KPNA5: variants seen among roughly 807,000 people sequenced by gnomAD.
KPNA5 encodes importin subunit alpha-6.
KPNA5 carries 46 observed loss-of-function variants against 71.3 expected under a neutral mutation model. The ratio of observed to expected loss-of-function variants is 0.65; its 90% confidence interval spans 0.51 to 0.83. KPNA5 has a LOEUF of 0.83. Among genes scored for constraint, KPNA5 ranks in the 40% least tolerant of loss-of-function variants. The pLI is 0.00. For synonymous variants in KPNA5, 207 were observed against 201.4 expected (o/e 1.03, Z -0.24); for missense variants, 547 against 628.3 (o/e 0.87, Z 1.38).
intron 1 of KPNA5, among the ~76,000 whole-genome samples, chr6:116,682,031 C>G (rs1451341622): frequency 6.6e-6 from 1 of 152,064 alleles, no homozygotes; most frequent in Non-Finnish European, 1.5e-5. Context: ...CTTTGGGAGG[C>G]GGAGGCGGGC....
rs971828689 is a variant in KPNA5, at chr6:116,739,135, A to G, written c.*6812A>G. On this transcript the variant is annotated 3_prime_UTR_variant, in exon 14 of 14. Transcript: ENST00000368564. ...CTAAGCCCAAAATCTCCTTAAGCTGATAAGCAACTTCAGCAAAGTCTCAGG... is the reference window on the plus strand; with the variant it reads ...CTAAGCCCAAAATCTCCTTAAGCTGGTAAGCAACTTCAGCAAAGTCTCAGG... 2 of 152,216 alleles carry G rather than the reference A, an allele frequency of 1.3e-5. No individual in the cohort carries two copies. The highest frequency in any genetic ancestry group is 4.8e-5 in the African/African-American group (2 of 41,452). 9.4% of individuals were successfully genotyped at this position (152,216 alleles called of 1,614,324 possible). A position where few individuals can be genotyped will look rare whatever the true frequency, so the allele number is the denominator to read the frequency against.
Position 116,741,254 on chromosome 6 carries a change from A to G in KPNA5, c.*8931A>G, listed in dbSNP as rs1192249686. ...TAAGAGAGGTGTGTTAAAATCTCCCAAGATGATTGGTGGATTTTGAATTTT... is the reference window on the plus strand; with the variant it reads ...TAAGAGAGGTGTGTTAAAATCTCCCGAGATGATTGGTGGATTTTGAATTTT... On this transcript the variant is annotated 3_prime_UTR_variant, in exon 14 of 14. Coordinates refer to ENST00000368564, the MANE Select transcript of KPNA5 (RefSeq NM_001366306.2). The G allele has an allele frequency of 1.3e-5, 2 of 152,132 alleles. No individual in the cohort carries two copies. Among genetic ancestry groups the G allele is most frequent in the Non-Finnish European group, 2.9e-5 (2 of 68,016 alleles). 9.4% of individuals were successfully genotyped at this position (152,132 alleles called of 1,614,324 possible). A position where few individuals can be genotyped will look rare whatever the true frequency, so the allele number is the denominator to read the frequency against.
chr6:116,714,769 T>G (rs1778822264), intron 7 of KPNA5, among the ~76,000 whole-genome samples: 1 of 152,206 alleles, frequency 6.6e-6, no homozygotes, highest in Non-Finnish European at 1.5e-5. Flanking sequence ...TTTTCCACCC[T>G]GAGAGAATTC....
At position 116,712,594 on chromosome 6, in the gene KPNA5, C is replaced by G. The variant is rs144717715; in HGVS notation, c.657-3625C>G. ...TTTAATTCATTTACATTTAATATAA[C>G]TACTGATAAATGGGGACTTACTTTT... On this transcript the variant is annotated intron_variant, in intron 7 of 13. Transcript: ENST00000368564. Among the ~76,000 whole-genome samples the G allele has an allele frequency of 6.1e-3, 921 of 152,134 alleles. 6 individuals are homozygous for G. Among genetic ancestry groups the G allele is most frequent in the Non-Finnish European group, 8.5e-3 (576 of 67,994 alleles).
In KPNA5 at chr6:116,735,316, T is replaced by C. The variant is rs1233938558; in HGVS notation, c.*2993T>C. 1 of 151,740 alleles carries C rather than the reference T, an allele frequency of 6.6e-6. No homozygotes were observed. The highest frequency in any genetic ancestry group is 2.4e-5 in the African/African-American group (1 of 41,416). 9.4% of individuals were successfully genotyped at this position (151,740 alleles called of 1,614,324 possible). On this transcript the variant is annotated 3_prime_UTR_variant, in exon 14 of 14. Coordinates refer to ENST00000368564, the MANE Select transcript of KPNA5 (RefSeq NM_001366306.2). ...TTTTTTCTTCTTTTAAGAAGGAGCA[T>C]TATGGAAAAATAAATATAAAGTCTT...
At chr6:116,708,949 C>A (rs1199970419) in intron 7 of KPNA5, among the ~76,000 whole-genome samples, 1 of 151,988 alleles carries the variant, frequency 6.6e-6, no homozygotes, top group Admixed American at 6.6e-5. Flanking sequence ...CCATACCTGG[C>A]TAATTTTTGT....
At chr6:116,691,478 G>A (rs1013900500) in intron 2 of KPNA5, among the ~76,000 whole-genome samples, 1 of 152,052 alleles carries the variant, frequency 6.6e-6, no homozygotes, top group Non-Finnish European at 1.5e-5. Flanking sequence ...TGGGAATGTG[G>A]AACTCACAGA....
rs1404560773 is a variant in KPNA5 at position 116,736,045 on chromosome 6, T to A, written c.*3722T>A. 3 of 151,876 alleles carry A rather than the reference T, an allele frequency of 2.0e-5. No individual in the cohort carries two copies. Among genetic ancestry groups the A allele is most frequent in the African/African-American group, 4.8e-5 (2 of 41,424 alleles). 9.4% of individuals were successfully genotyped at this position (151,876 alleles called of 1,614,324 possible). A position where few individuals can be genotyped will look rare whatever the true frequency, so the allele number is the denominator to read the frequency against. ...TCAAAAGTAAGTTGGGGTGGCCATATAATGCATATCAAGGTGCATTTCAGA... is the reference window on the plus strand; with the variant it reads ...TCAAAAGTAAGTTGGGGTGGCCATAAAATGCATATCAAGGTGCATTTCAGA... On this transcript the variant is annotated 3_prime_UTR_variant, in exon 14 of 14. Transcript: ENST00000368564.
chr6:116,691,215 G>A (rs540761660), intron 2 of KPNA5, among the ~76,000 whole-genome samples: 205 of 152,324 alleles, frequency 1.3e-3, no homozygotes, highest in African/African-American at 4.6e-3. Flanking sequence ...GAGACAGAGC[G>A]AGACTCCGTC....
At chr6:116,695,134 G>T (rs1450942238) in intron 4 of KPNA5, among the ~76,000 whole-genome samples, 1 of 151,808 alleles carries the variant, frequency 6.6e-6, no homozygotes, top group Non-Finnish European at 1.5e-5. Context: ...GTAGAGTCAG[G>T]GTTTTGTCAT....
At chr6:116,731,340 A>AT (rs1562458156) in intron 13 of KPNA5, among the ~76,000 whole-genome samples, 1 of 152,172 alleles carries the variant, frequency 6.6e-6, no homozygotes, top group African/African-American at 2.4e-5. Flanking sequence ...TTAGTCACTG[A>AT]TTTAAGAATA....
Position 116,724,289 on chromosome 6 carries a change from A to G in KPNA5, c.921-8A>G. On this transcript the variant is annotated splice_region_variant and splice_polypyrimidine_tract_variant and intron_variant, in intron 9 of 13. Coordinates refer to ENST00000368564, the MANE Select transcript of KPNA5 (RefSeq NM_001366306.2). ...TAGTATTTAGGTTCATGTTTTTATT[A>G]TTTTTAGGCACAATGATTATAAAGT... The G allele has an allele frequency of 6.3e-7, 1 of 1,588,468 alleles. No individual in the cohort carries two copies. The highest frequency in any genetic ancestry group is 8.6e-7 in the Non-Finnish European group (1 of 1,158,988).
At chr6:116,725,595 C>T (rs758524556) in intron 10 of KPNA5, among the ~76,000 whole-genome samples, 156 bp from the exon 11 acceptor site, 2 of 152,086 alleles carry the variant, frequency 1.3e-5, no homozygotes, top group East Asian at 1.9e-4. Flanking sequence ...CAATAGCAGA[C>T]GTGTAGAAGA....
Position 116,702,325 on chromosome 6 carries a change from T to G in KPNA5, c.567+175T>G, listed in dbSNP as rs75954590. Reference sequence around the variant, plus strand: ...GAGGAAGAATGAACAGTTCCAGACATAATCCTGGGTTCTCTGTGAGTGTGA... The same window carrying G: ...GAGGAAGAATGAACAGTTCCAGACAGAATCCTGGGTTCTCTGTGAGTGTGA... On this transcript the variant is annotated intron_variant, in intron 6 of 13. Coordinates refer to ENST00000368564, the MANE Select transcript of KPNA5 (RefSeq NM_001366306.2). 1.0e-3 allele frequency among the ~76,000 whole-genome samples: 153 copies of G among 152,320 alleles called. 2 individuals carry two copies. The East Asian group carries it at 0.029, about 29-fold the overall frequency.
chr6:116,736,765 T>C lies in KPNA5; in HGVS notation c.*4442T>C, dbSNP rs996567133. 2 of 152,032 alleles carry C rather than the reference T, an allele frequency of 1.3e-5. No individual in the cohort carries two copies. Among genetic ancestry groups the C allele is most frequent in the Non-Finnish European group, 2.9e-5 (2 of 67,950 alleles). The allele number at this position is 152,032 out of a possible 1,614,324, so 9.4% of individuals were successfully genotyped here. A position where few individuals can be genotyped will look rare whatever the true frequency, so the allele number is the denominator to read the frequency against. On this transcript the variant is annotated 3_prime_UTR_variant, in exon 14 of 14. Coordinates refer to ENST00000368564, the MANE Select transcript of KPNA5 (RefSeq NM_001366306.2). ...ATGCTTTGCTCATTTTTGGTTATTTTTCATTTTGTATAGTTTTCATTGTTT... is the reference window on the plus strand; with the variant it reads ...ATGCTTTGCTCATTTTTGGTTATTTCTCATTTTGTATAGTTTTCATTGTTT...
chr6:116,732,074 T>TTTTATATATA (rs1463339776), intron 13 of KPNA5, 62 bp from the exon 14 acceptor site: 752 of 67,650 alleles, frequency 0.011, 97 homozygotes, highest in African/African-American at 0.014. Flanking sequence ...AACAGTTTGT[T>TTTTATATATA]TATATATATA....
chr6:116,695,689 T>C (rs541414189), intron 4 of KPNA5, among the ~76,000 whole-genome samples: 3 of 152,360 alleles, frequency 2.0e-5, no homozygotes, highest in African/African-American at 7.2e-5. Context: ...ACCTTAGCAA[T>C]GTCAAGAAAC....
chr6:116,692,037 G>T lies in KPNA5; in HGVS notation c.139-18G>T. The stretch of plus-strand genomic sequence containing the variant: ...TTATGGAAAGCTCAATGTGTAAACT[G>T]ATTTCTCTTTATTACAGTTGTTCAA... On this transcript the variant is annotated intron_variant, in intron 2 of 13. Coordinates refer to ENST00000368564, the MANE Select transcript of KPNA5 (RefSeq NM_001366306.2). The T allele has an allele frequency of 6.5e-7, 1 of 1,535,042 alleles. No homozygotes were observed. Among genetic ancestry groups the T allele is most frequent in the Non-Finnish European group, 9.0e-7 (1 of 1,109,824 alleles).
chr6:116,688,323 A>C (rs2114363392), intron 1 of KPNA5, among the ~76,000 whole-genome samples: 1 of 152,120 alleles, frequency 6.6e-6, no homozygotes, highest in South Asian at 2.1e-4. Flanking sequence ...TCTTGTGTTT[A>C]CTTCATAAGC....
Sources: gnomAD v4.1 joint callset for allele counts (sites outside exome capture counted in the v4.1 genomes callset) on GRCh38, gnomAD v4.1.1 for gene constraint, MANE v1.5 for transcripts, NCBI Gene and HGNC (gene_info 2026-07-23, HGNC 2026-07-21) for gene names.